The following F13A1 variants were observed in gnomAD, a reference collection of about 807,000 sequenced individuals.
F13A1 encodes FSF, A subunit.
F13A1 carries 47 observed loss-of-function variants against 80.1 expected under a neutral mutation model. The ratio of observed to expected loss-of-function variants is 0.59; its 90% CI spans 0.46 to 0.75. The LOEUF is 0.75. Among genes scored for constraint, F13A1 ranks in the 30% least tolerant of loss-of-function variants. The pLI, the probability that F13A1 is intolerant of heterozygous loss-of-function variation, is 0.00. For synonymous variants in F13A1, 349 were observed against 344.9 expected (o/e 1.01, Z -0.13); for missense variants, 817 against 930.4 (o/e 0.88, Z 1.59).
At chr6:6,184,416 T>G (rs1372768794) in intron 10 of F13A1, among the ~76,000 whole-genome samples, 1 of 152,182 alleles carries the variant, frequency 6.6e-6, no homozygotes, top group Non-Finnish European at 1.5e-5. Flanking sequence ...CTGAGGGTGA[T>G]AAACGGTGGC....
intron 2 of F13A1, among the ~76,000 whole-genome samples, chr6:6,317,456 C>T (rs997182189): frequency 1.3e-5 from 2 of 152,064 alleles, no homozygotes; most frequent in African/African-American, 4.8e-5. Context: ...CTTCTTTTCC[C>T]AAACTTGGAT....
At chr6:6,213,624 C>T (rs1388989673) in intron 8 of F13A1, among the ~76,000 whole-genome samples, 83 of 142,396 alleles carry the variant, frequency 5.8e-4, no homozygotes, top group African/African-American at 1.3e-3. Context: ...CATCAACTAA[C>T]GAGCAAAATA....
chr6:6,306,108 C>T (rs78616913), intron 2 of F13A1, among the ~76,000 whole-genome samples: 9,127 of 152,258 alleles, frequency 0.06, 652 homozygotes, highest in East Asian at 0.2. Context: ...AAGTAGATCT[C>T]ATCCCTCAAA....
At chr6:6,190,623 T>C (rs1322684680) in intron 10 of F13A1, among the ~76,000 whole-genome samples, 15 of 151,948 alleles carry the variant, frequency 9.9e-5, no homozygotes, top group South Asian at 2.1e-4. Flanking sequence ...AGTGCTCTCT[T>C]CAAAGCTGTC....
chr6:6,210,864 G>A (rs1450278351), intron 8 of F13A1, among the ~76,000 whole-genome samples: 2 of 152,114 alleles, frequency 1.3e-5, no homozygotes, highest in Non-Finnish European at 1.5e-5. Context: ...AAGTAGCGGG[G>A]ATTACAGGCA....
chr6:6,282,351 C>T (rs144141613), intron 3 of F13A1, among the ~76,000 whole-genome samples: 1 of 152,024 alleles, frequency 6.6e-6, no homozygotes, highest in African/African-American at 2.4e-5. Flanking sequence ...CTGGCAAAAT[C>T]GAGGCTGTTT....
intron 2 of F13A1, among the ~76,000 whole-genome samples, chr6:6,312,299 C>T (rs1758613745): frequency 6.6e-6 from 1 of 151,840 alleles, no homozygotes; most frequent in African/African-American, 2.4e-5. Flanking sequence ...TCAGGAAAAA[C>T]ATAAAATCAC....
At chr6:6,147,585 C>T (rs1760307344) in intron 14 of F13A1, among the ~76,000 whole-genome samples, 1 of 152,172 alleles carries the variant, frequency 6.6e-6, no homozygotes, top group African/African-American at 2.4e-5. Context: ...ATTCTCTCTC[C>T]TCTGGTTCCC....
intron 10 of F13A1, among the ~76,000 whole-genome samples, chr6:6,185,754 T>A (rs867345006): frequency 1.3e-5 from 2 of 152,038 alleles, no homozygotes; most frequent in African/African-American, 2.4e-5. Flanking sequence ...GGATGGCTGG[T>A]TCAAATGGTA....
chr6:6,173,246 C>T (rs1471336833), intron 12 of F13A1, among the ~76,000 whole-genome samples: 2 of 152,070 alleles, frequency 1.3e-5, no homozygotes, highest in South Asian at 2.1e-4. Context: ...CACGTGGACC[C>T]TGATCTGCTT....
chr6:6,180,882 C>T (rs1173441466), intron 11 of F13A1, among the ~76,000 whole-genome samples: 1 of 152,204 alleles, frequency 6.6e-6, no homozygotes, highest in African/African-American at 2.4e-5. Flanking sequence ...TTCTGCACTC[C>T]TTAGCACTTC....
intron 10 of F13A1, among the ~76,000 whole-genome samples, chr6:6,188,681 G>GA (rs1238329663): frequency 1.6e-5 from 1 of 63,362 alleles, no homozygotes; most frequent in Non-Finnish European, 2.7e-5. Flanking sequence ...GTGTGGTGCT[G>GA]AAAAAAATGT....
intron 3 of F13A1, among the ~76,000 whole-genome samples, chr6:6,293,534 G>A (rs1758262278): frequency 6.6e-6 from 1 of 151,638 alleles, no homozygotes; most frequent in South Asian, 2.1e-4. Flanking sequence ...ACCTAACACA[G>A]AGATAGCTGT....
At chr6:6,186,197 C>G (rs1376122007) in intron 10 of F13A1, among the ~76,000 whole-genome samples, 1 of 149,714 alleles carries the variant, frequency 6.7e-6, no homozygotes, top group Admixed American at 6.8e-5. Flanking sequence ...ATGGTAGTTT[C>G]TTTTGCTGTG....
chr6:6,166,962 G>A (rs996725196), intron 13 of F13A1, among the ~76,000 whole-genome samples: 9 of 152,182 alleles, frequency 5.9e-5, no homozygotes, highest in African/African-American at 2.2e-4. Flanking sequence ...TCTGGCTTGT[G>A]GTTGCAAGGC....
At chr6:6,165,683 G>A (rs1468624549) in intron 13 of F13A1, among the ~76,000 whole-genome samples, 1 of 152,218 alleles carries the variant, frequency 6.6e-6, no homozygotes, top group Non-Finnish European at 1.5e-5. Context: ...TCTATAGGAA[G>A]AGCCAGCTGT....
At chr6:6,183,909 AAG>A (rs1437518338) in intron 10 of F13A1, among the ~76,000 whole-genome samples, 1 of 152,244 alleles carries the variant, frequency 6.6e-6, no homozygotes, top group Non-Finnish European at 1.5e-5. Context: ...AGAGTGAGAT[AAG>A]ATCTATGTGA....
chr6:6,190,822 C>T (rs1166874571), intron 10 of F13A1, among the ~76,000 whole-genome samples: 1 of 152,102 alleles, frequency 6.6e-6, no homozygotes, highest in Admixed American at 6.5e-5. Flanking sequence ...CCTCCCCCAG[C>T]CTCGCTGCCG....
chr6:6,154,230 A>G (rs1760436298), intron 13 of F13A1, among the ~76,000 whole-genome samples: 1 of 152,032 alleles, frequency 6.6e-6, no homozygotes, highest in Non-Finnish European at 1.5e-5. Context: ...CCACACTGAC[A>G]AGACTGAGAA....
Sources: allele counts gnomAD v4.1 joint callset (sites outside exome capture counted in the v4.1 genomes callset), GRCh38; gene constraint gnomAD v4.1.1; transcripts MANE v1.5; gene names NCBI Gene and HGNC (gene_info 2026-07-23, HGNC 2026-07-21).